UNK: variants seen among roughly 807,000 people sequenced by gnomAD.
UNK encodes unk zinc finger.
A neutral mutation model predicts 97.6 loss-of-function variants in UNK; 32 were observed. The observed-to-expected ratio is 0.33, with a 90% CI of 0.25 to 0.44. UNK has a LOEUF of 0.44. Ranked by LOEUF, UNK falls within the 20% of genes least tolerant of loss-of-function variation. The pLI is 1.00. For synonymous variants in UNK, 441 were observed against 461.2 expected (o/e 0.96, Z 0.56); for missense variants, 771 against 1,098.4 (o/e 0.70, Z 4.21).
chr17:75,809,881 C>T lies in UNK; in HGVS notation c.226C>T (p.Arg76Cys). 4 of 1,613,910 alleles carry T rather than the reference C, an allele frequency of 2.5e-6. No individual in the cohort carries two copies. Among genetic ancestry groups the T allele is most frequent in the Non-Finnish European group, 1.7e-6 (2 of 1,179,896 alleles). The change falls in exon 2 of 16, where the codon CGC (arginine) becomes TGC (cysteine). Residue 76 changes from arginine to cysteine, a missense_variant. Around this residue, in one of 5 missense-constraint regions of UNK, gnomAD observed 246 missense variants for 440.7 expected, o/e 0.56. Coordinates refer to ENST00000589666, the MANE Select transcript of UNK (RefSeq NM_001080419.3). ...FVNQRRRRSI[R>C]RRDGTFNYSP... ...GAACCAGCGGCGCCGCCGGTCCATC[C>T]GCCGTCGGGACGGCACCTTCAATTA... is the stretch of plus-strand genomic sequence containing the variant.
intron 5 of UNK, 21 bp downstream of exon 5, chr17:75,813,234 C>T: frequency 6.4e-7 from 1 of 1,562,640 alleles, no homozygotes; most frequent in Non-Finnish European, 8.7e-7. Flanking sequence ...CCCAGGAGGC[C>T]AGCCACGGGA....
chr17:75,812,410 C>A, intron 3 of UNK, 45 bp from the exon 4 acceptor site: 1 of 1,592,998 alleles, frequency 6.3e-7, no homozygotes. Flanking sequence ...TTCTTGCCCC[C>A]TCATGCCCCC....
intron 1 of UNK, among the ~76,000 whole-genome samples, chr17:75,804,222 G>A (rs1240049419): frequency 6.6e-6 from 1 of 152,260 alleles, no homozygotes. Context: ...GGGAGGCAAA[G>A]GTGGGTAGAT....
chr17:75,819,380 T>G lies in UNK; in HGVS notation c.1547-304T>G. 13 of 390,020 alleles carry G rather than the reference T, an allele frequency of 3.3e-5. No individual in the cohort carries two copies. Among genetic ancestry groups the G allele is most frequent in the Non-Finnish European group, 3.3e-5 (7 of 211,350 alleles). The allele number at this position is 390,020 out of a possible 1,614,324, so 24.2% of individuals were successfully genotyped here. A position where few individuals can be genotyped will look rare whatever the true frequency, so the allele number is the denominator to read the frequency against. On this transcript the variant is annotated intron_variant, in intron 11 of 15. Transcript: ENST00000589666. The surrounding 1 kb of genome is among the most constrained non-coding windows in gnomAD (Gnocchi z 5.4). ...TGATCCCGGGGCTGAGACCCTTGAG[T>G]TGTAACATCAGGGGACAAGACCCTT...
Position 75,818,248 on chromosome 17 carries a change from G to A in UNK, c.1371+80G>A. 6.6e-7 allele frequency: 1 copy of A among 1,505,280 alleles called. No homozygotes were observed. Among genetic ancestry groups the A allele is most frequent in the Admixed American group, 1.9e-5 (1 of 53,880 alleles). The allele number at this position is 1,505,280 out of a possible 1,614,324, so 93.2% of individuals were successfully genotyped here. On this transcript the variant is annotated intron_variant, in intron 10 of 15. Transcript: ENST00000589666. The surrounding 1 kb of genome is among the most constrained non-coding windows in gnomAD (Gnocchi z 5.1). ...AACCCCAGGAGGCTTCGGGGAGTGG[G>A]AGGCACCACTTTTCCCAAAAGCTGA...
At position 75,816,887 on chromosome 17, in the gene UNK, GC is replaced by G; in HGVS notation, c.1082del (p.Pro361ArgfsTer16). 1 of 1,605,524 alleles carries G rather than the reference GC, an allele frequency of 6.2e-7. No individual in the cohort carries two copies. The highest frequency in any genetic ancestry group is 1.3e-5 in the African/African-American group (1 of 75,012). On this transcript the variant is annotated frameshift_variant, in exon 8 of 16. Coordinates refer to ENST00000589666, the MANE Select transcript of UNK (RefSeq NM_001080419.3). LOFTEE classifies it high-confidence loss of function. The surrounding 1 kb of genome is among the most constrained non-coding windows in gnomAD (Gnocchi z 4.0). ...AGDSVPVSPS[S>X]PHAPDLSALL... is the part of the protein sequence containing the mutation. ...GACTCGGTGCCTGTGAGCCCCTCCA[GC>G]CCGCATGCCCCTGACCTCAGTGCCG...
In UNK at chr17:75,813,223, C is replaced by G; in HGVS notation, c.758+10C>G. 6.4e-7 allele frequency: 1 copy of G among 1,568,664 alleles called. No homozygotes were observed. Among genetic ancestry groups the G allele is most frequent in the East Asian group, 2.4e-5 (1 of 42,386 alleles). ...GGAAGCACAAATACAGGTCCTTAGGCCCCAGGAGGCCAGCCACGGGAGGGA... is the reference window on the plus strand; with the variant it reads ...GGAAGCACAAATACAGGTCCTTAGGGCCCAGGAGGCCAGCCACGGGAGGGA... On this transcript the variant is annotated intron_variant, in intron 5 of 15. Coordinates refer to ENST00000589666, the MANE Select transcript of UNK (RefSeq NM_001080419.3).
At position 75,815,234 on chromosome 17, in the gene UNK, C is replaced by T. The variant is rs2143796240; in HGVS notation, c.942C>T (p.Cys314=). The T allele has an allele frequency of 4.3e-6, 7 of 1,613,396 alleles. No homozygotes were observed. Among genetic ancestry groups the T allele is most frequent in the Non-Finnish European group, 5.9e-6 (7 of 1,179,638 alleles). ...GCAGCTGTCCCCGAGGACCCTTCTG[C>T]GCCTTTGCCCACGTAGAACGTATGC... ...QSGSCPRGPF[C]AFAHVEQPPL... is the part of the protein sequence containing the mutation. Residue 314 remains cysteine (C), a synonymous_variant, in exon 7 of 16, where the codon TGC becomes TGT. Transcript: ENST00000589666.
chr17:75,810,237 T>G (rs2061956182), intron 2 of UNK, among the ~76,000 whole-genome samples: 1 of 152,346 alleles, frequency 6.6e-6, no homozygotes, highest in Non-Finnish European at 1.5e-5. Context: ...CTCCCTGGCC[T>G]TTTTTCATCC....
At position 75,818,316 on chromosome 17, in the gene UNK, G is replaced by A. The variant is rs944894455; in HGVS notation, c.1371+148G>A. 3.2e-6 allele frequency: 3 copies of A among 928,514 alleles called. No homozygotes were observed. The highest frequency in any genetic ancestry group is 3.3e-5 in the African/African-American group (2 of 60,454). The allele number at this position is 928,514 out of a possible 1,614,324, so 57.5% of individuals were successfully genotyped here. On this transcript the variant is annotated intron_variant, in intron 10 of 15. Coordinates refer to ENST00000589666, the MANE Select transcript of UNK (RefSeq NM_001080419.3). The surrounding 1 kb of genome is among the most constrained non-coding windows in gnomAD (Gnocchi z 5.1). ...GGTCCCAGCCACAAATCCAGAGAGGGTAGGGGGTCAGGCCCTGGAGCCCCT... is the reference window on the plus strand; with the variant it reads ...GGTCCCAGCCACAAATCCAGAGAGGATAGGGGGTCAGGCCCTGGAGCCCCT...
intron 1 of UNK, among the ~76,000 whole-genome samples, chr17:75,799,441 C>T (rs770413933): frequency 1.3e-4 from 20 of 152,224 alleles, no homozygotes; most frequent in African/African-American, 3.1e-4. Flanking sequence ...GCTGAGCAGA[C>T]GTGATGTGGA....
intron 1 of UNK, among the ~76,000 whole-genome samples, chr17:75,799,555 GGTTT>G (rs1435500740): frequency 5.9e-5 from 9 of 152,176 alleles, no homozygotes; most frequent in African/African-American, 2.2e-4. Flanking sequence ...TTTTGTACCA[GGTTT>G]CTACCACTTG....
intron 6 of UNK, 24 bp downstream of exon 6, chr17:75,813,902 G>C: frequency 6.5e-7 from 1 of 1,539,912 alleles, no homozygotes; most frequent in South Asian, 1.2e-5. Flanking sequence ...CAGGGTGGGG[G>C]GGTGGCTTTG....
chr17:75,805,179 CA>C (rs36025200), intron 1 of UNK, among the ~76,000 whole-genome samples: 30,928 of 114,702 alleles, frequency 0.27, 3,988 homozygotes, highest in East Asian at 0.49. Flanking sequence ...GACTCCATCT[CA>C]AAAAAAAAAA....
chr17:75,812,346 T>C, intron 3 of UNK, 58 bp downstream of exon 3: 1 of 1,580,930 alleles, frequency 6.3e-7, no homozygotes, highest in Non-Finnish European at 8.6e-7. Flanking sequence ...GGCAGGGGCC[T>C]GGCGGCTAAT....
chr17:75,792,572 C>A, intron 1 of UNK: 1 of 770,236 alleles, frequency 1.3e-6, no homozygotes. Context: ...TCCCTCTGGA[C>A]AATGTAGCTT....
chr17:75,817,215 T>G lies in UNK; in HGVS notation c.1105-111T>G. On this transcript the variant is annotated intron_variant, in intron 8 of 15. Coordinates refer to ENST00000589666, the MANE Select transcript of UNK (RefSeq NM_001080419.3). This position sits in a 1 kb window ranked among gnomAD's most constrained non-coding sequence, Gnocchi z 5.8. The stretch of plus-strand genomic sequence containing the variant: ...GTGGTCACTGCTGCTCGTTGGCAGA[T>G]GAAAGTGGAACTGAGCCCCTTGAAG... The G allele has an allele frequency of 8.0e-7, 1 of 1,256,220 alleles. No homozygotes were observed. Among genetic ancestry groups the G allele is most frequent in the Non-Finnish European group, 1.1e-6 (1 of 917,576 alleles). The allele number at this position is 1,256,220 out of a possible 1,614,324, so 77.8% of individuals were successfully genotyped here. A position where few individuals can be genotyped will look rare whatever the true frequency, so the allele number is the denominator to read the frequency against.
chr17:75,785,340 AAGAGG>A (rs1045587753), intron 1 of UNK: 22 of 200,564 alleles, frequency 1.1e-4, no homozygotes, highest in Non-Finnish European at 1.8e-4. Flanking sequence ...AGACACAACC[AAGAGG>A]AGTTCCGTGG....
chr17:75,823,394 C>G lies in UNK; in HGVS notation c.2149C>G (p.Leu717Val). ...EVQVKKLQEE[L>V]ERLHAGPEPQ... ...GCAGGTGAAGAAGCTCCAGGAGGAG[C>G]TGGAGCGGCTACACGCGGGGCCTGA... The change falls in exon 15 of 16, where the codon CTG (leucine) becomes GTG (valine). Residue 717 changes from leucine (L) to valine (V), a missense_variant. Transcript: ENST00000589666. The G allele has an allele frequency of 6.2e-7, 1 of 1,608,956 alleles. No homozygotes were observed.
Sources: allele counts gnomAD v4.1 joint callset (sites outside exome capture counted in the v4.1 genomes callset), GRCh38; gene constraint gnomAD v4.1.1; regional missense constraint gnomAD v4.1.1; non-coding constraint Gnocchi (gnomAD v3.1); transcripts MANE v1.5; gene names NCBI Gene and HGNC (gene_info 2026-07-23, HGNC 2026-07-21).